The following CASR variants were observed in gnomAD, a reference collection of about 807,000 sequenced individuals.
The protein encoded by CASR is calcium sensing receptor.
Under a neutral mutation model 69.1 loss-of-function variants are expected in CASR, and 23 were observed. The observed-to-expected ratio is 0.33, with a 90% CI of 0.24 to 0.47. The LOEUF is 0.47. CASR is among the 20% of genes least tolerant of loss of function. The probability of loss-of-function intolerance (pLI) is 1.00; values close to 1 mark genes in which losing one functional copy is unlikely to be tolerated. For synonymous variants in CASR, 541 were observed against 544.7 expected (o/e 0.99, Z 0.10); for missense variants, 924 against 1,356.1 (o/e 0.68, Z 5.00).
chr3:122,285,137 C>A lies in CASR; in HGVS notation c.3183C>A (p.Ser1061Arg). 1 of 1,614,122 alleles carries A rather than the reference C, an allele frequency of 6.2e-7. No homozygotes were observed. The change falls in exon 7 of 7, where the codon AGC (serine) becomes AGA (arginine). Residue 1061 changes from serine to arginine, a missense_variant. Ser to Arg is a moderately radical substitution (Grantham distance 110). Around this residue, in one of 8 missense-constraint regions of CASR, gnomAD observed 201 missense variants for 228.8 expected, o/e 0.88. Coordinates refer to ENST00000639785, the MANE Select transcript of CASR (RefSeq NM_000388.4). Reference protein sequence around the residue: ...SPALVVSSSQSFVISGGGSTV... With the variant: ...SPALVVSSSQRFVISGGGSTV... Reference sequence around the variant, plus strand: ...CACTTGTAGTGTCCAGTTCACAGAGCTTTGTCATCAGTGGTGGAGGCAGCA... The same window carrying A: ...CACTTGTAGTGTCCAGTTCACAGAGATTTGTCATCAGTGGTGGAGGCAGCA...
rs574169142 is a variant in CASR at position 122,218,394 on chromosome 3, C to A, written c.-243+34582C>A. 1.2e-4 allele frequency among the ~76,000 whole-genome samples: 18 copies of A among 151,908 alleles called. 1 individual carries two copies. The South Asian group carries it at 3.1e-3, about 26-fold the overall frequency. ...ACTAAAATACAAAAAATTAGCCAGG[C>A]GGTGTGGCAGGAGCCTGTAGTCCCA... On this transcript the variant is annotated intron_variant, in intron 1 of 6. Coordinates refer to ENST00000639785, the MANE Select transcript of CASR (RefSeq NM_000388.4).
intron 1 of CASR, among the ~76,000 whole-genome samples, chr3:122,216,594 AC>A (rs2074119603): frequency 6.6e-6 from 1 of 152,246 alleles, no homozygotes; most frequent in Admixed American, 6.5e-5. Context: ...AGGACAAAAA[AC>A]TATAGTTATC....
intron 1 of CASR, among the ~76,000 whole-genome samples, chr3:122,250,658 T>C (rs1329777394): frequency 6.6e-6 from 1 of 152,218 alleles, no homozygotes; most frequent in East Asian, 1.9e-4. Flanking sequence ...TCAAAATACA[T>C]GGAATGTTTA....
intron 4 of CASR, among the ~76,000 whole-genome samples, chr3:122,265,670 G>T (rs1008724616): frequency 3.3e-5 from 5 of 152,160 alleles, no homozygotes; most frequent in Non-Finnish European, 5.9e-5. Flanking sequence ...AGGTATTCTA[G>T]GCTCTGTTTG....
chr3:122,207,687 G>T (rs2074021006), intron 1 of CASR, among the ~76,000 whole-genome samples: 1 of 151,900 alleles, frequency 6.6e-6, no homozygotes, highest in South Asian at 2.1e-4. Flanking sequence ...TAAGAAGGAG[G>T]TTCATAGCAA....
intron 1 of CASR, among the ~76,000 whole-genome samples, chr3:122,224,890 C>A (rs571796167): frequency 1.3e-5 from 2 of 152,200 alleles, no homozygotes; most frequent in South Asian, 2.1e-4. Context: ...TAAAGCCACA[C>A]ACCTCCAACC....
intron 1 of CASR, among the ~76,000 whole-genome samples, chr3:122,187,904 G>A (rs926095011): frequency 1.3e-5 from 2 of 152,128 alleles, no homozygotes; most frequent in Non-Finnish European, 2.9e-5. Context: ...TTTGAGTCGT[G>A]GTTCTGCCAC....
chr3:122,284,298 C>A lies in CASR; in HGVS notation c.2344C>A (p.Leu782Met), dbSNP rs2074936930. ...ALGFLIGYTC[L>M]LAAICFFFAF... ...GGGCTTCCTGATCGGCTACACCTGC[C>A]TGCTGGCTGCCATCTGCTTCTTCTT... Residue 782 changes from leucine (L) to methionine (M), a missense_variant, in exon 7 of 7, where the codon CTG becomes ATG. Physicochemically the swap from Leu to Met is conservative, Grantham distance 15. This residue lies in a region of CASR where 184 missense variants were observed against 278.8 expected (regional missense o/e 0.66). Transcript: ENST00000639785. 6.2e-7 allele frequency: 1 copy of A among 1,614,148 alleles called. No individual in the cohort carries two copies. The highest frequency in any genetic ancestry group is 1.3e-5 in the African/African-American group (1 of 75,060).
chr3:122,284,929 C>A lies in CASR; in HGVS notation c.2975C>A (p.Ser992Tyr). The A allele has an allele frequency of 6.2e-7, 1 of 1,614,180 alleles. No individual in the cohort carries two copies. The highest frequency in any genetic ancestry group is 8.5e-7 in the Non-Finnish European group (1 of 1,180,008). The change falls in exon 7 of 7, where the codon TCT (serine) becomes TAT (tyrosine). Residue 992 changes from serine (S) to tyrosine (Y), a missense_variant. Physicochemically the swap from Ser to Tyr is moderately radical, Grantham distance 144. Transcript: ENST00000639785. ...PQKNAMAHRN[S>Y]THQNSLEAQK... ...AAGAACGCCATGGCCCACAGGAATT[C>A]TACGCACCAGAACTCCCTGGAGGCC...
At chr3:122,203,362 TCA>T (rs2073976287) in intron 1 of CASR, among the ~76,000 whole-genome samples, 1 of 152,144 alleles carries the variant, frequency 6.6e-6, no homozygotes, top group African/African-American at 2.4e-5. Flanking sequence ...TGTTCGAACA[TCA>T]CAGAGTACAC....
chr3:122,276,486 G>T (rs1470434306), intron 5 of CASR, among the ~76,000 whole-genome samples: 3 of 152,186 alleles, frequency 2.0e-5, no homozygotes, highest in African/African-American at 7.2e-5. Flanking sequence ...TTCAGCACTT[G>T]GGATCCAGGG....
In CASR at chr3:122,267,180, G is replaced by A. The variant is rs117570093; in HGVS notation, c.1377+4768G>A. Among the ~76,000 whole-genome samples the A allele has an allele frequency of 3.3e-5, 5 of 152,210 alleles. No homozygotes were observed. In the East Asian group the frequency reaches 9.6e-4, roughly 29 times the overall value. On this transcript the variant is annotated intron_variant, in intron 4 of 6. Coordinates refer to ENST00000639785, the MANE Select transcript of CASR (RefSeq NM_000388.4). ...ATCTTCCCTGTTATGTGAATTAAAG[G>A]CAAGATATTATGCAGAAAATAAAAC...
intron 1 of CASR, among the ~76,000 whole-genome samples, chr3:122,187,539 G>C (rs2073798128): frequency 6.6e-6 from 1 of 152,188 alleles, no homozygotes; most frequent in Admixed American, 6.5e-5. Context: ...TGTGCAGGTA[G>C]TATTGTGTTC....
chr3:122,259,929 A>G (rs2074600916), intron 3 of CASR, among the ~76,000 whole-genome samples: 1 of 152,224 alleles, frequency 6.6e-6, no homozygotes, highest in African/African-American at 2.4e-5. Flanking sequence ...GCATTCTCCC[A>G]AATACCTTTG....
intron 1 of CASR, among the ~76,000 whole-genome samples, chr3:122,251,747 A>G (rs946587252): frequency 6.6e-6 from 1 of 152,148 alleles, no homozygotes; most frequent in Non-Finnish European, 1.5e-5. Context: ...TAAAGCCAGT[A>G]TTTTCTATGA....
intron 1 of CASR, among the ~76,000 whole-genome samples, chr3:122,232,360 A>G (rs935360379): frequency 6.6e-6 from 1 of 152,210 alleles, no homozygotes; most frequent in Non-Finnish European, 1.5e-5. Context: ...CTGGAGAACC[A>G]GGAGGGGCTT....
At chr3:122,254,644 G>A (rs1468757392) in intron 2 of CASR, among the ~76,000 whole-genome samples, 1 of 152,016 alleles carries the variant, frequency 6.6e-6, no homozygotes. Flanking sequence ...AGTTATCATC[G>A]TTCACCTGGC....
At chr3:122,266,433 GT>G (rs1430272374) in intron 4 of CASR, among the ~76,000 whole-genome samples, 1 of 151,490 alleles carries the variant, frequency 6.6e-6, no homozygotes, top group Admixed American at 6.6e-5. Context: ...TTGTTTGTTT[GT>G]GTTTTGTTTT....
intron 6 of CASR, among the ~76,000 whole-genome samples, chr3:122,282,494 T>G (rs2074904318): frequency 6.6e-6 from 1 of 152,236 alleles, no homozygotes. Context: ...CCAATATATT[T>G]CCTTTTTGTT....
Sources: allele counts gnomAD v4.1 joint callset (sites outside exome capture counted in the v4.1 genomes callset), GRCh38; gene constraint gnomAD v4.1.1; regional missense constraint gnomAD v4.1.1; transcripts MANE v1.5; gene names NCBI Gene and HGNC (gene_info 2026-07-23, HGNC 2026-07-21).